The following MACROD2 variants were observed in gnomAD, a reference collection of about 807,000 sequenced individuals.
MACROD2 encodes the protein mono-ADP ribosylhydrolase 2.
In MACROD2, 36 loss-of-function variants were observed where a neutral mutation model predicts 70.4. That is an observed-to-expected ratio of 0.51 (90% CI 0.39 to 0.68). MACROD2 has a LOEUF of 0.68. Among genes scored for constraint, MACROD2 ranks in the 30% least tolerant of loss-of-function variants. The probability of loss-of-function intolerance (pLI) is 0.00; values close to 1 mark genes in which losing one functional copy is unlikely to be tolerated. For synonymous variants in MACROD2, 172 were observed against 178.8 expected, an observed-to-expected ratio of 0.96 and a Z score of 0.30; for missense variants, 496 against 538.4, an observed-to-expected ratio of 0.92 and a Z score of 0.78.
At chr20:15,034,912 C>T (rs949029554) in intron 5 of MACROD2, among the ~76,000 whole-genome samples, 4 of 152,146 alleles carry the variant, frequency 2.6e-5, no homozygotes, top group Non-Finnish European at 5.9e-5. Flanking sequence ...ACTACTGAGA[C>T]CATCATTAGA....
At chr20:14,859,029 T>C (rs2073285659) in intron 5 of MACROD2, among the ~76,000 whole-genome samples, 1 of 152,020 alleles carries the variant, frequency 6.6e-6, no homozygotes, top group Non-Finnish European at 1.5e-5. Context: ...TTCACTATGA[T>C]GATGCAAAGG....
chr20:15,703,840 C>T (rs945803942), intron 8 of MACROD2, among the ~76,000 whole-genome samples: 2 of 152,194 alleles, frequency 1.3e-5, no homozygotes, highest in Non-Finnish European at 2.9e-5. Flanking sequence ...GAGGCTACTC[C>T]TCACAGAGCA....
chr20:15,718,076 A>G (rs1218064885), intron 8 of MACROD2, among the ~76,000 whole-genome samples: 2 of 146,348 alleles, frequency 1.4e-5, no homozygotes, highest in South Asian at 2.1e-4. Flanking sequence ...GCTGGAGTGC[A>G]GTGGTACGAA....
chr20:14,876,643 A>G (rs2122448482), intron 5 of MACROD2, among the ~76,000 whole-genome samples: 1 of 152,276 alleles, frequency 6.6e-6, no homozygotes, highest in South Asian at 2.1e-4. Context: ...CTTTTTGTAT[A>G]TGATGAAAGG....
chr20:14,880,989 C>T (rs1421137031), intron 5 of MACROD2, among the ~76,000 whole-genome samples: 2 of 152,116 alleles, frequency 1.3e-5, no homozygotes, highest in East Asian at 1.9e-4. Flanking sequence ...CTCCTCAAGA[C>T]CTTTGTCACT....
intron 15 of MACROD2, among the ~76,000 whole-genome samples, chr20:16,019,311 G>C (rs1168211972): frequency 5.3e-5 from 8 of 152,186 alleles, no homozygotes; most frequent in Non-Finnish European, 2.9e-5. Flanking sequence ...AACTAGCCGG[G>C]TTTGCATCTG....
At chr20:14,605,049 A>C (rs1054133568) in intron 4 of MACROD2, among the ~76,000 whole-genome samples, 1 of 152,324 alleles carries the variant, frequency 6.6e-6, no homozygotes, top group Non-Finnish European at 1.5e-5. Flanking sequence ...AATGCAGTGA[A>C]GTAGCTATAA....
intron 4 of MACROD2, among the ~76,000 whole-genome samples, chr20:14,593,809 G>T (rs1349122732): frequency 1.3e-5 from 2 of 152,032 alleles, no homozygotes; most frequent in African/African-American, 4.8e-5. Flanking sequence ...TTAAAAAAGT[G>T]ATCACATTGA....
At chr20:15,237,876 C>A (rs62205164) in intron 6 of MACROD2, among the ~76,000 whole-genome samples, 2 of 152,052 alleles carry the variant, frequency 1.3e-5, no homozygotes, top group Admixed American at 1.3e-4. Flanking sequence ...CTTATCTGCC[C>A]GCTTGGGCAG....
intron 4 of MACROD2, among the ~76,000 whole-genome samples, chr20:14,585,416 G>A (rs552856216): frequency 1.3e-5 from 2 of 152,170 alleles, no homozygotes; most frequent in East Asian, 3.9e-4. Context: ...TATGAGAGTA[G>A]GTTCTTACTA....
chr20:15,487,531 G>T (rs1324207197), intron 7 of MACROD2, among the ~76,000 whole-genome samples: 1 of 152,114 alleles, frequency 6.6e-6, no homozygotes, highest in Non-Finnish European at 1.5e-5. Flanking sequence ...GTCTCAATCA[G>T]CAATAGTGTG....
At chr20:15,523,698 G>C (rs1297158542) in intron 8 of MACROD2, among the ~76,000 whole-genome samples, 1 of 152,174 alleles carries the variant, frequency 6.6e-6, no homozygotes, top group Non-Finnish European at 1.5e-5. Flanking sequence ...TTTCTGCTGT[G>C]GTTTAGAATA....
chr20:14,947,826 T>G (rs1300021304), intron 5 of MACROD2, among the ~76,000 whole-genome samples: 1 of 152,140 alleles, frequency 6.6e-6, no homozygotes, highest in Non-Finnish European at 1.5e-5. Context: ...AAGGATCAGA[T>G]GTGGGATTAC....
chr20:14,224,103 A>G (rs1320329366), intron 3 of MACROD2, among the ~76,000 whole-genome samples: 1 of 133,538 alleles, frequency 7.5e-6, no homozygotes. Context: ...ACTCCAAGTC[A>G]ACTGATTTAA....
At position 14,749,925 on chromosome 20, in the gene MACROD2, G is replaced by A. The variant is rs528331163; in HGVS notation, c.418+64966G>A. Among the ~76,000 whole-genome samples, 80 of 152,194 alleles carry A rather than the reference G, an allele frequency of 5.3e-4. 1 individual carries two copies. The highest frequency in any genetic ancestry group is 1.9e-3 in the African/African-American group (77 of 41,510). On this transcript the variant is annotated intron_variant, in intron 5 of 17. Coordinates refer to ENST00000684519, the MANE Select transcript of MACROD2 (RefSeq NM_001351661.2). Reference sequence around the variant, plus strand: ...GTAATTACCAGGGGCTAGGAGGATGGAGAAAAGAAGAGTTGTTTAATGTGT... The same window carrying A: ...GTAATTACCAGGGGCTAGGAGGATGAAGAAAAGAAGAGTTGTTTAATGTGT...
At chr20:14,730,772 C>A (rs1021466234) in intron 5 of MACROD2, among the ~76,000 whole-genome samples, 5 of 151,652 alleles carry the variant, frequency 3.3e-5, no homozygotes, top group Admixed American at 2.0e-4. Flanking sequence ...TCATAAGATT[C>A]AAAAACAGAT....
chr20:15,678,423 G>GCA (rs1206309099), intron 8 of MACROD2, among the ~76,000 whole-genome samples: 2 of 151,186 alleles, frequency 1.3e-5, no homozygotes, highest in Non-Finnish European at 2.9e-5. Context: ...GCAGTGGCAT[G>GCA]ATCTCGGCTC....
At chr20:14,982,078 G>A (rs1272534993) in intron 5 of MACROD2, among the ~76,000 whole-genome samples, 1 of 152,128 alleles carries the variant, frequency 6.6e-6, no homozygotes, top group African/African-American at 2.4e-5. Flanking sequence ...GGAACTTGTT[G>A]GGAACTGGAG....
At chr20:15,898,562 A>AC (rs1568625939) in intron 10 of MACROD2, among the ~76,000 whole-genome samples, 1 of 151,092 alleles carries the variant, frequency 6.6e-6, no homozygotes, top group Non-Finnish European at 1.5e-5. Flanking sequence ...AAAAAAAAAA[A>AC]AAAAAAAACA....
Sources: allele counts gnomAD v4.1 joint callset (sites outside exome capture counted in the v4.1 genomes callset), GRCh38; gene constraint gnomAD v4.1.1; transcripts MANE v1.5; gene names NCBI Gene and HGNC (gene_info 2026-07-23, HGNC 2026-07-21).